ATXN7L1: variants seen among roughly 807,000 people sequenced by gnomAD.
The protein encoded by ATXN7L1 is ataxin 7 like 1.
In ATXN7L1, 15 loss-of-function variants were observed where a neutral mutation model predicts 70.8. That is an observed-to-expected ratio of 0.21 (90% confidence interval 0.14 to 0.33). The LOEUF (loss-of-function observed/expected upper bound fraction) is 0.33, where lower values mean the gene tolerates loss of function less well. ATXN7L1 is among the 10% of genes least tolerant of loss of function. The pLI is 1.00. For synonymous variants in ATXN7L1, 440 were observed against 445.1 expected (o/e 0.99, Z 0.14); for missense variants, 975 against 1,097.1 (o/e 0.89, Z 1.57).
At chr7:105,824,921 CAAA>C (rs202077099) in intron 2 of ATXN7L1, among the ~76,000 whole-genome samples, 1 of 95,576 alleles carries the variant, frequency 1.0e-5, no homozygotes, top group Admixed American at 1.1e-4. Context: ...GATTCCGTCT[CAAA>C]AAAAAAAAAA....
At chr7:105,678,136 T>C in intron 3 of ATXN7L1, 1 of 467,092 alleles carries the variant, frequency 2.1e-6, no homozygotes, top group Non-Finnish European at 2.8e-6. Flanking sequence ...TTCTCTCCCT[T>C]CTTTAGAAGC....
At chr7:105,619,526 ATATATTTTTTTTTTT>A (rs1794585507) in intron 9 of ATXN7L1, among the ~76,000 whole-genome samples, 2 of 16,436 alleles carry the variant, frequency 1.2e-4, no homozygotes, top group East Asian at 2.0e-3. Flanking sequence ...ATATATATAT[ATATATTTTTTTTTTT>A]TTTTTTTTTT....
At chr7:105,685,779 A>G (rs1316329670) in intron 3 of ATXN7L1, among the ~76,000 whole-genome samples, 1 of 152,184 alleles carries the variant, frequency 6.6e-6, no homozygotes, top group African/African-American at 2.4e-5. Context: ...GTTTCTAAGA[A>G]CAACTAGGCT....
intron 5 of ATXN7L1, among the ~76,000 whole-genome samples, chr7:105,639,990 C>T (rs144860067): frequency 1.3e-5 from 2 of 152,330 alleles, no homozygotes; most frequent in African/African-American, 2.4e-5. Context: ...ACCCAACGAC[C>T]CCTTTCCTGG....
Position 105,645,810 on chromosome 7 carries a change from CACAAACAAACAAACAA to C in ATXN7L1, c.579-2705_579-2690del, listed in dbSNP as rs58661590. ...CCTGGGAGACAGAGTGAGACGCCAC[CACAAACAAACAAACAA>C]ACAAACAAACAAACAAACAAACAAA... is the stretch of plus-strand genomic sequence containing the variant. On this transcript the variant is annotated intron_variant, in intron 4 of 11. Coordinates refer to ENST00000419735, the MANE Select transcript of ATXN7L1 (RefSeq NM_020725.2). Among the ~76,000 whole-genome samples the C allele has an allele frequency of 4.0e-4, 57 of 143,380 alleles. 1 individual carries two copies. Among genetic ancestry groups the C allele is most frequent in the South Asian group, 1.8e-3 (8 of 4,326 alleles). The allele number at this position is 143,380 out of a possible 152,430, so 94.1% of individuals were successfully genotyped here.
intron 2 of ATXN7L1, among the ~76,000 whole-genome samples, chr7:105,862,941 G>C (rs1816853726): frequency 6.6e-6 from 1 of 152,074 alleles, no homozygotes; most frequent in South Asian, 2.1e-4. Context: ...GTGACAACTA[G>C]GGCATCTCTG....
At chr7:105,768,539 C>T (rs780019526) in intron 3 of ATXN7L1, among the ~76,000 whole-genome samples, 2 of 152,224 alleles carry the variant, frequency 1.3e-5, no homozygotes, top group Non-Finnish European at 2.9e-5. Flanking sequence ...CAATGCTTAG[C>T]TTTCAGCCAA....
At chr7:105,763,662 T>C (rs1010368016) in intron 3 of ATXN7L1, among the ~76,000 whole-genome samples, 1 of 152,196 alleles carries the variant, frequency 6.6e-6, no homozygotes, top group African/African-American at 2.4e-5. Flanking sequence ...TAAGTGCATT[T>C]GACACTAGGT....
intron 3 of ATXN7L1, among the ~76,000 whole-genome samples, chr7:105,784,281 T>C (rs755592391): frequency 4.6e-5 from 7 of 152,170 alleles, no homozygotes; most frequent in Non-Finnish European, 1.0e-4. Flanking sequence ...CAGGTAGTTA[T>C]TGTCGGAACT....
intron 5 of ATXN7L1, among the ~76,000 whole-genome samples, chr7:105,640,213 A>G (rs1390948891): frequency 6.6e-6 from 1 of 152,204 alleles, no homozygotes; most frequent in African/African-American, 2.4e-5. Context: ...AGGCAGGGGC[A>G]GGGGAGAAGG....
intron 2 of ATXN7L1, among the ~76,000 whole-genome samples, chr7:105,846,804 C>A (rs1814113252): frequency 6.6e-6 from 1 of 152,174 alleles, no homozygotes; most frequent in Non-Finnish European, 1.5e-5. Context: ...TTGATACCTG[C>A]TACCACATGA....
intron 3 of ATXN7L1, among the ~76,000 whole-genome samples, chr7:105,743,504 G>A (rs896506926): frequency 1.1e-4 from 17 of 152,180 alleles, no homozygotes; most frequent in African/African-American, 4.1e-4. Context: ...AACAATCACT[G>A]TCACCTCTGG....
Position 105,799,509 on chromosome 7 carries a change from C to T in ATXN7L1, c.251-10801G>A, listed in dbSNP as rs1303284712. On this transcript the variant is annotated intron_variant, in intron 2 of 11. Transcript: ENST00000419735. Reference sequence around the variant, plus strand: ...CTACTGGCCATGGTGGGCGAGAGACCTCTGATCCTGTGGCACTTGTTAGTG... The same window carrying T: ...CTACTGGCCATGGTGGGCGAGAGACTTCTGATCCTGTGGCACTTGTTAGTG... 2.6e-5 allele frequency among the ~76,000 whole-genome samples: 4 copies of T among 152,210 alleles called. No individual in the cohort carries two copies. The South Asian group carries it at 6.2e-4, about 24-fold the overall frequency.
intron 3 of ATXN7L1, among the ~76,000 whole-genome samples, chr7:105,786,097 G>C (rs1449264659): frequency 1.3e-5 from 2 of 152,156 alleles, no homozygotes; most frequent in Non-Finnish European, 2.9e-5. Context: ...TTTGTACTAG[G>C]ACACACACCT....
intron 4 of ATXN7L1, among the ~76,000 whole-genome samples, chr7:105,652,647 C>CA: frequency 6.6e-6 from 1 of 152,328 alleles, no homozygotes; most frequent in Non-Finnish European, 1.5e-5. Context: ...AAACCCTGAC[C>CA]CAAGGGGAGA....
At chr7:105,778,355 A>AG (rs1335419605) in intron 3 of ATXN7L1, among the ~76,000 whole-genome samples, 1 of 151,128 alleles carries the variant, frequency 6.6e-6, no homozygotes, top group Non-Finnish European at 1.5e-5. Context: ...AAAAAAAAAA[A>AG]AAAAAATTAG....
intron 2 of ATXN7L1, among the ~76,000 whole-genome samples, chr7:105,855,554 C>G (rs1815605627): frequency 6.6e-6 from 1 of 152,162 alleles, no homozygotes; most frequent in Non-Finnish European, 1.5e-5. Flanking sequence ...TGGAAATCAT[C>G]ACATACTACA....
At chr7:105,871,353 C>A (rs1050564245) in intron 2 of ATXN7L1, among the ~76,000 whole-genome samples, 16 of 152,136 alleles carry the variant, frequency 1.1e-4, no homozygotes, top group African/African-American at 3.6e-4. Context: ...TGGATATAAG[C>A]CCATCTAAGC....
chr7:105,728,143 T>C (rs868295382), intron 3 of ATXN7L1, among the ~76,000 whole-genome samples: 13 of 152,144 alleles, frequency 8.5e-5, no homozygotes, highest in African/African-American at 3.1e-4. Flanking sequence ...TAGGAATGAA[T>C]GCAGACAGTG....
Sources: gnomAD v4.1 joint callset for allele counts (sites outside exome capture counted in the v4.1 genomes callset) on GRCh38, gnomAD v4.1.1 for gene constraint, MANE v1.5 for transcripts, NCBI Gene and HGNC (gene_info 2026-07-23, HGNC 2026-07-21) for gene names.